SEMA3C: variants seen among roughly 807,000 people sequenced by gnomAD.
SEMA3C encodes semaphorin 3C.
A neutral mutation model predicts 89.4 loss-of-function variants in SEMA3C; 47 were observed. That is an observed-to-expected ratio of 0.53 (90% CI 0.42 to 0.67). The LOEUF (loss-of-function observed/expected upper bound fraction) is 0.67. Ranked by LOEUF, SEMA3C falls within the 30% of genes least tolerant of loss-of-function variation. The pLI is 0.00. For synonymous variants in SEMA3C, 310 were observed against 320.2 expected (o/e 0.97, Z 0.34); for missense variants, 839 against 929.1 (o/e 0.90, Z 1.26).
intron 12 of SEMA3C, among the ~76,000 whole-genome samples, chr7:80,787,729 G>A (rs148354417): frequency 6.6e-6 from 1 of 152,282 alleles, no homozygotes; most frequent in African/African-American, 2.4e-5. Context: ...AGGATTCAGT[G>A]GAGGATGAAA....
chr7:80,798,316 G>T, intron 10 of SEMA3C, 80 bp from the exon 11 acceptor site: 1 of 1,178,526 alleles, frequency 8.5e-7, no homozygotes, highest in Non-Finnish European at 1.1e-6. Flanking sequence ...TAAAATTTAT[G>T]ATAAAAAGTT....
rs560831044 is a variant in SEMA3C at position 80,778,772 on chromosome 7, T to C, written c.1354+10534A>G. Among the ~76,000 whole-genome samples the C allele has an allele frequency of 1.9e-4, 29 of 152,330 alleles. No homozygotes were observed. In the South Asian group the frequency reaches 6.0e-3, roughly 32 times the overall value. ...GGAAAATAACCTACTACCAGGGCAC[T>C]CAGCTATAACAGTGCCACATCTGAT... is the stretch of plus-strand genomic sequence containing the variant. On this transcript the variant is annotated intron_variant, in intron 12 of 17. Transcript: ENST00000265361.
At chr7:80,745,673 T>TA (rs1562854750) in intron 17 of SEMA3C, among the ~76,000 whole-genome samples, 1 of 152,140 alleles carries the variant, frequency 6.6e-6, no homozygotes, top group African/African-American at 2.4e-5. Flanking sequence ...AACTCATAGA[T>TA]ACTTTAAAAT....
At chr7:80,816,146 C>T (rs939635896) in intron 5 of SEMA3C, 1 of 151,992 alleles carries the variant, frequency 6.6e-6, no homozygotes, top group African/African-American at 2.4e-5. Flanking sequence ...GAATCAGTCT[C>T]GCAAATAATA....
intron 2 of SEMA3C, among the ~76,000 whole-genome samples, chr7:80,869,664 T>C (rs1791011234): frequency 6.6e-6 from 1 of 152,186 alleles, no homozygotes; most frequent in Non-Finnish European, 1.5e-5. Context: ...CATGTTTTCC[T>C]CCTGTCAGTG....
intron 2 of SEMA3C, among the ~76,000 whole-genome samples, chr7:80,857,643 T>C (rs1790672351): frequency 1.3e-5 from 2 of 152,202 alleles, no homozygotes; most frequent in South Asian, 4.1e-4. Context: ...TATAAGCATT[T>C]AAATCGATCA....
At chr7:80,836,893 G>T (rs1011002044) in intron 2 of SEMA3C, among the ~76,000 whole-genome samples, 3 of 152,072 alleles carry the variant, frequency 2.0e-5, no homozygotes, top group African/African-American at 7.2e-5. Flanking sequence ...ATTCTCAAAA[G>T]ATTCATGTTT....
chr7:80,756,220 A>G (rs1788061961), intron 15 of SEMA3C, among the ~76,000 whole-genome samples: 1 of 152,078 alleles, frequency 6.6e-6, no homozygotes, highest in South Asian at 2.1e-4. Flanking sequence ...CATAAATCCT[A>G]ATGTTCAGTT....
intron 2 of SEMA3C, among the ~76,000 whole-genome samples, chr7:80,878,373 C>T (rs186668656): frequency 7.2e-5 from 11 of 151,996 alleles, no homozygotes; most frequent in Admixed American, 1.3e-4. Flanking sequence ...AGCAAAACTC[C>T]GTCTCAAAAA....
chr7:80,767,253 T>G (rs1449153310), intron 12 of SEMA3C, among the ~76,000 whole-genome samples: 2 of 152,200 alleles, frequency 1.3e-5, no homozygotes, highest in Admixed American at 6.5e-5. Flanking sequence ...CAGTAACAAG[T>G]TGGCAATATG....
intron 15 of SEMA3C, 84 bp downstream of exon 15, chr7:80,758,247 T>C (rs1196882355): frequency 9.8e-6 from 14 of 1,421,552 alleles, no homozygotes; most frequent in South Asian, 2.7e-5. Flanking sequence ...GAAACAGCAA[T>C]AGAACTAATT....
At chr7:80,753,847 A>G (rs764652040) in intron 15 of SEMA3C, among the ~76,000 whole-genome samples, 39 of 152,358 alleles carry the variant, frequency 2.6e-4, no homozygotes, top group Non-Finnish European at 4.9e-4. Flanking sequence ...CTATACTGCA[A>G]TATTTGATAC....
rs141891306 is a variant in SEMA3C, at chr7:80,808,523, C to T, written c.538+2088G>A. Among the ~76,000 whole-genome samples, 4 of 152,118 alleles carry T rather than the reference C, an allele frequency of 2.6e-5. No individual in the cohort carries two copies. In the East Asian group the frequency reaches 5.8e-4, roughly 22 times the overall value. On this transcript the variant is annotated intron_variant, in intron 6 of 17. Coordinates refer to ENST00000265361, the MANE Select transcript of SEMA3C (RefSeq NM_006379.5). ...GCTCCTCCCTGTCCGACTTGAATGC[C>T]GATATTCAAGCAATTCACTGAATAA...
chr7:80,802,596 A>C (rs1789235025), intron 9 of SEMA3C, 69 bp downstream of exon 9: 6 of 932,420 alleles, frequency 6.4e-6, no homozygotes, highest in Non-Finnish European at 1.0e-5. Context: ...TTCTTTTGAG[A>C]CCTTATTTAA....
intron 5 of SEMA3C, 21 bp downstream of exon 5, chr7:80,818,278 A>G: frequency 6.4e-7 from 1 of 1,560,946 alleles, no homozygotes; most frequent in Non-Finnish European, 8.7e-7. Context: ...AAAACTAAGA[A>G]TGTTAAATAG....
intron 2 of SEMA3C, among the ~76,000 whole-genome samples, chr7:80,884,906 A>C (rs73709358): frequency 0.017 from 2,546 of 152,348 alleles, 76 homozygotes; most frequent in African/African-American, 0.057. Flanking sequence ...ATAAACATTA[A>C]GGCCAGTACC....
At chr7:80,794,994 G>A (rs1387048018) in intron 11 of SEMA3C, among the ~76,000 whole-genome samples, 1 of 152,152 alleles carries the variant, frequency 6.6e-6, no homozygotes, top group Non-Finnish European at 1.5e-5. Flanking sequence ...TGAGATTTCT[G>A]CCAGTCTCAT....
At chr7:80,859,735 C>T (rs1351798567) in intron 2 of SEMA3C, among the ~76,000 whole-genome samples, 3 of 152,096 alleles carry the variant, frequency 2.0e-5, no homozygotes, top group Non-Finnish European at 4.4e-5. Context: ...TCTTTTGAGT[C>T]CACTGCATGG....
chr7:80,779,277 TA>T (rs1788635528), intron 12 of SEMA3C, among the ~76,000 whole-genome samples: 1 of 152,174 alleles, frequency 6.6e-6, no homozygotes, highest in South Asian at 2.1e-4. Context: ...TAATGTATTT[TA>T]AGTGATCAAT....
Sources: allele counts gnomAD v4.1 joint callset (sites outside exome capture counted in the v4.1 genomes callset), GRCh38; gene constraint gnomAD v4.1.1; transcripts MANE v1.5; gene names NCBI Gene and HGNC (gene_info 2026-07-23, HGNC 2026-07-21).